The following SEC22A variants were observed in gnomAD, a reference collection of about 807,000 sequenced individuals.
SEC22A encodes SEC22 homolog A, vesicle trafficking protein, also known as vesicle-trafficking protein SEC22a.
In SEC22A, 22 loss-of-function variants were observed where a neutral mutation model predicts 35.3. The observed-to-expected ratio is 0.62, with a 90% CI of 0.45 to 0.89. The LOEUF (loss-of-function observed/expected upper bound fraction) is 0.89, where lower values mean the gene tolerates loss of function less well. SEC22A is among the 40% of genes least tolerant of loss of function. The pLI is 0.00. For missense variants in SEC22A, 354 were observed against 362.5 expected (o/e 0.98, Z 0.19); for synonymous variants, 119 against 129.5 (o/e 0.92, Z 0.55).
intron 5 of SEC22A, among the ~76,000 whole-genome samples, chr3:123,255,571 T>G (rs984193955): frequency 6.6e-6 from 1 of 152,210 alleles, no homozygotes; most frequent in African/African-American, 2.4e-5. Context: ...CTCCCAACTT[T>G]CTTCCTCAGA....
chr3:123,237,057 T>C (rs916638607), intron 4 of SEC22A, among the ~76,000 whole-genome samples: 1 of 152,210 alleles, frequency 6.6e-6, no homozygotes, highest in Admixed American at 6.5e-5. Context: ...TCATATGGCC[T>C]CTGTTAGTAT....
At chr3:123,221,222 C>T (rs758501604) in intron 2 of SEC22A, among the ~76,000 whole-genome samples, 7 of 151,610 alleles carry the variant, frequency 4.6e-5, no homozygotes, top group African/African-American at 9.7e-5. Context: ...TGTAATCCCA[C>T]CACTTTGGGA....
chr3:123,211,914 A>C (rs1391871123), intron 2 of SEC22A, among the ~76,000 whole-genome samples: 2 of 152,118 alleles, frequency 1.3e-5, no homozygotes. Flanking sequence ...CAAAAAACTA[A>C]AAAATTAGCC....
intron 6 of SEC22A, among the ~76,000 whole-genome samples, chr3:123,268,782 T>C (rs1938081212): frequency 6.6e-6 from 1 of 152,212 alleles, no homozygotes; most frequent in Non-Finnish European, 1.5e-5. Context: ...GCTATATTTC[T>C]CCTGATCCAG....
chr3:123,213,648 T>C (rs962772636), intron 2 of SEC22A, among the ~76,000 whole-genome samples: 6 of 152,206 alleles, frequency 3.9e-5, no homozygotes, highest in Admixed American at 2.6e-4. Flanking sequence ...TATAACAGGG[T>C]TGTAACTCAT....
intron 2 of SEC22A, among the ~76,000 whole-genome samples, chr3:123,212,068 A>AC (rs1345885665): frequency 6.6e-6 from 1 of 152,124 alleles, no homozygotes; most frequent in Non-Finnish European, 1.5e-5. Context: ...ATATATATAA[A>AC]TAAAATAAAT....
At chr3:123,212,172 G>C (rs1482854563) in intron 2 of SEC22A, among the ~76,000 whole-genome samples, 2 of 152,156 alleles carry the variant, frequency 1.3e-5, no homozygotes, top group Non-Finnish European at 2.9e-5. Context: ...GGGGAGAAGT[G>C]CCTACTGGGT....
chr3:123,249,951 G>GT (rs756807132), intron 5 of SEC22A, among the ~76,000 whole-genome samples: 11 of 152,182 alleles, frequency 7.2e-5, no homozygotes, highest in Admixed American at 4.6e-4. Context: ...CTCCTAGCAT[G>GT]TTTATTTACA....
At chr3:123,202,799 C>T (rs1193469187) in intron 1 of SEC22A, among the ~76,000 whole-genome samples, 1 of 152,184 alleles carries the variant, frequency 6.6e-6, no homozygotes, top group Admixed American at 6.5e-5. Flanking sequence ...AAAGTATCAG[C>T]CACCAGACTG....
chr3:123,203,822 T>C (rs894350290), intron 1 of SEC22A, among the ~76,000 whole-genome samples: 13 of 152,278 alleles, frequency 8.5e-5, no homozygotes, highest in African/African-American at 2.6e-4. Context: ...AACCGTGAAC[T>C]ATGTGGCACT....
At chr3:123,252,240 T>C (rs1576500230) in intron 5 of SEC22A, among the ~76,000 whole-genome samples, 2 of 152,306 alleles carry the variant, frequency 1.3e-5, no homozygotes, top group East Asian at 1.9e-4. Context: ...CTCTTTCTGG[T>C]TGATCATTAC....
chr3:123,223,316 G>T (rs1412008187), intron 2 of SEC22A, among the ~76,000 whole-genome samples: 1 of 152,166 alleles, frequency 6.6e-6, no homozygotes, highest in Non-Finnish European at 1.5e-5. Context: ...TAACTGAAAT[G>T]TTAGAACCGT....
At chr3:123,220,881 C>CTATATATAT (rs1937110221) in intron 2 of SEC22A, among the ~76,000 whole-genome samples, 1 of 93,168 alleles carries the variant, frequency 1.1e-5, no homozygotes, top group Admixed American at 1.1e-4. Context: ...TATATATATA[C>CTATATATAT]ATATATATAT....
chr3:123,238,284 C>G lies in SEC22A; in HGVS notation c.542-7615C>G, dbSNP rs1400194781. On this transcript the variant is annotated intron_variant, in intron 4 of 6. Coordinates refer to ENST00000492595, the MANE Select transcript of SEC22A (RefSeq NM_012430.5). The stretch of plus-strand genomic sequence containing the variant: ...CGCAATCTCAGCCCACTGCAACCTC[C>G]ACCTCCTGGGTTAAAGCAATTCTTC... Among the ~76,000 whole-genome samples, 4 of 152,186 alleles carry G rather than the reference C, an allele frequency of 2.6e-5. No homozygotes were observed. The East Asian group carries it at 7.7e-4, about 29-fold the overall frequency.
At chr3:123,263,737 C>T (rs907000897) in intron 6 of SEC22A, among the ~76,000 whole-genome samples, 19 of 152,228 alleles carry the variant, frequency 1.2e-4, no homozygotes, top group African/African-American at 3.9e-4. Flanking sequence ...AACTTCTGAC[C>T]TCGTGATCCG....
chr3:123,239,875 G>A (rs946561370), intron 4 of SEC22A, among the ~76,000 whole-genome samples: 1 of 152,160 alleles, frequency 6.6e-6, no homozygotes, highest in African/African-American at 2.4e-5. Context: ...GCCATTGCAT[G>A]CAAGAACTTT....
chr3:123,213,129 G>A (rs1344487011), intron 2 of SEC22A, among the ~76,000 whole-genome samples: 1 of 152,022 alleles, frequency 6.6e-6, no homozygotes, highest in African/African-American at 2.4e-5. Flanking sequence ...ATGTTTTTTT[G>A]TACCAAACCT....
intron 4 of SEC22A, among the ~76,000 whole-genome samples, chr3:123,243,504 C>T (rs1937543149): frequency 6.6e-6 from 1 of 152,096 alleles, no homozygotes; most frequent in Non-Finnish European, 1.5e-5. Flanking sequence ...TACATTTTAT[C>T]TATCTTCAAA....
intron 4 of SEC22A, among the ~76,000 whole-genome samples, chr3:123,239,752 C>T (rs558561333): frequency 6.6e-6 from 1 of 151,952 alleles, no homozygotes; most frequent in South Asian, 2.1e-4. Context: ...GAGTAGGTTG[C>T]GAAAATTTTC....
Sources: allele counts gnomAD v4.1 joint callset (sites outside exome capture counted in the v4.1 genomes callset), GRCh38; gene constraint gnomAD v4.1.1; transcripts MANE v1.5; gene names NCBI Gene and HGNC (gene_info 2026-07-23, HGNC 2026-07-21).